Variants in COBLL1 observed in about 807,000 individuals in gnomAD.
The protein encoded by COBLL1 is cordon-bleu protein-like 1.
COBLL1 carries 50 observed loss-of-function variants against 94.8 expected under a neutral mutation model. The ratio of observed to expected loss-of-function variants is 0.53; its 90% CI spans 0.42 to 0.67. The LOEUF is 0.67. Among genes scored for constraint, COBLL1 ranks in the 30% least tolerant of loss-of-function variants. The pLI is 0.00. For synonymous variants in COBLL1, 448 were observed against 473.8 expected (o/e 0.95, Z 0.71); for missense variants, 1,362 against 1,348.7 (o/e 1.01, Z -0.15).
intron 2 of COBLL1, among the ~76,000 whole-genome samples, chr2:164,780,360 G>T (rs1423943081): frequency 6.6e-6 from 1 of 152,166 alleles, no homozygotes; most frequent in African/African-American, 2.4e-5. Flanking sequence ...TTCTGGGAAT[G>T]AAAGGAATTC....
At chr2:164,738,852 T>G (rs902047510) in intron 3 of COBLL1, among the ~76,000 whole-genome samples, 4 of 152,202 alleles carry the variant, frequency 2.6e-5, no homozygotes, top group African/African-American at 9.7e-5. Context: ...TTTTGGAATT[T>G]GAAGCATTTG....
chr2:164,804,883 C>A (rs1423193574), intron 2 of COBLL1, among the ~76,000 whole-genome samples: 1 of 152,164 alleles, frequency 6.6e-6, no homozygotes. Flanking sequence ...CTCTCTGACC[C>A]ACAAACTGAG....
intron 2 of COBLL1, among the ~76,000 whole-genome samples, chr2:164,762,738 C>T (rs1482462262): frequency 6.7e-6 from 1 of 149,694 alleles, no homozygotes; most frequent in Admixed American, 6.7e-5. Flanking sequence ...GCTCTGTCAC[C>T]CAGGCTGGAG....
rs190569465 is a variant in COBLL1, at chr2:164,659,939, G to C, written n.181+5908C>G. Among the ~76,000 whole-genome samples the C allele has an allele frequency of 3.4e-3, 523 of 152,236 alleles. 1 individual carries two copies. Among genetic ancestry groups the C allele is most frequent in the Middle Eastern group, 0.01 (3 of 294 alleles). ...TGAGCTAATGTTCAAGGGATTTGTGGGTATTGCATACTCCATGAAAACTCA... is the reference window on the plus strand; with the variant it reads ...TGAGCTAATGTTCAAGGGATTTGTGCGTATTGCATACTCCATGAAAACTCA... On this transcript the variant is annotated intron_variant and non_coding_transcript_variant, in intron 2 of 2. Transcript: ENST00000495084.
Position 164,700,563 on chromosome 2 carries a change from GT to G in COBLL1, c.1418del (p.Asn473ThrfsTer20). The stretch of plus-strand genomic sequence containing the variant: ...TAGTTTCTTGTTTTTCTTCCATGGA[GT>G]TTTGTGAGAACTCTCCACTACCATT... The part of the protein sequence containing the change: ...LGNGSGEFSQ[N>X]SMEEKQETKS... On this transcript the variant is annotated frameshift_variant, in exon 10 of 14. Coordinates refer to ENST00000652658, the MANE Select transcript of COBLL1 (RefSeq NM_001365672.2). LOFTEE classifies it high-confidence loss of function. The G allele has an allele frequency of 6.2e-7, 1 of 1,613,754 alleles. No homozygotes were observed. Among genetic ancestry groups the G allele is most frequent in the Non-Finnish European group, 8.5e-7 (1 of 1,179,790 alleles).
At position 164,722,498 on chromosome 2, in the gene COBLL1, A is replaced by G; in HGVS notation, c.686T>C (p.Leu229Pro). The change falls in exon 6 of 14, where the codon CTA (leucine) becomes CCA (proline). Residue 229 changes from leucine (L) to proline (P), a missense_variant. Physicochemically the swap from Leu to Pro is moderately conservative, Grantham distance 98 (BLOSUM62 -3). Coordinates refer to ENST00000652658, the MANE Select transcript of COBLL1 (RefSeq NM_001365672.2). ...ATTTTCTTTCTCCTTCATAATATCT[A>G]GGTTTTGTGATATTTGGCAGGACTC... Reference protein sequence around the residue: ...NRESCQISQNLDIMKEKENKG... With the variant: ...NRESCQISQNPDIMKEKENKG... 6.6e-7 allele frequency: 1 copy of G among 1,512,802 alleles called. No homozygotes were observed. The highest frequency in any genetic ancestry group is 8.8e-7 in the Non-Finnish European group (1 of 1,131,272). The allele number at this position is 1,512,802 out of a possible 1,614,324, so 93.7% of individuals were successfully genotyped here.
intron 12 of COBLL1, among the ~76,000 whole-genome samples, chr2:164,693,101 C>T (rs1683704482): frequency 6.6e-6 from 1 of 152,016 alleles, no homozygotes; most frequent in Admixed American, 6.6e-5. Flanking sequence ...TTTCAAACTG[C>T]CAAATACGTA....
chr2:164,748,668 T>C (rs1231946779), intron 2 of COBLL1, among the ~76,000 whole-genome samples: 1 of 152,200 alleles, frequency 6.6e-6, no homozygotes. Context: ...CTTGTTTGAC[T>C]ATCAGTCTAC....
chr2:164,752,032 T>C (rs1687151324), intron 2 of COBLL1, among the ~76,000 whole-genome samples: 1 of 152,110 alleles, frequency 6.6e-6, no homozygotes. Flanking sequence ...TGGTATAATG[T>C]ACCAAGCAAA....
chr2:164,704,506 A>G lies in COBLL1; in HGVS notation c.1163T>C (p.Val388Ala). 6.2e-7 allele frequency: 1 copy of G among 1,613,102 alleles called. No homozygotes were observed. The highest frequency in any genetic ancestry group is 8.5e-7 in the Non-Finnish European group (1 of 1,179,048). Residue 388 changes from valine (V) to alanine (A), a missense_variant, in exon 9 of 14, where the codon GTA becomes GCA. Coordinates refer to ENST00000652658, the MANE Select transcript of COBLL1 (RefSeq NM_001365672.2). ...AGCACTGTCTGGAGGAACTCCATCT[A>G]CTGGCTGTAAGGCTAAAGGAAAGAA... is the stretch of plus-strand genomic sequence containing the variant. The part of the protein sequence containing the change: ...ENSRVTALQP[V>A]DGVPPDSASE...
intron 2 of COBLL1, chr2:164,837,601 A>G: frequency 2.5e-6 from 1 of 400,482 alleles, no homozygotes; most frequent in Non-Finnish European, 5.0e-6. Flanking sequence ...AAGTTAAACC[A>G]GTCAACTTTC....
rs957085539 is a variant in COBLL1 at position 164,811,905 on chromosome 2, T to C, written c.41+29251A>G. 2.6e-5 allele frequency among the ~76,000 whole-genome samples: 4 copies of C among 151,962 alleles called. No homozygotes were observed. In the East Asian group the frequency reaches 5.8e-4, roughly 22 times the overall value. On this transcript the variant is annotated intron_variant, in intron 2 of 13. Coordinates refer to ENST00000652658, the MANE Select transcript of COBLL1 (RefSeq NM_001365672.2). ...TTCATAATCCTCTGTGGTAGCATTT[T>C]TGCTGAGGTTCAACAGTTCACATAG...
chr2:164,815,606 T>C (rs1364563492), intron 2 of COBLL1, among the ~76,000 whole-genome samples: 1 of 152,166 alleles, frequency 6.6e-6, no homozygotes, highest in African/African-American at 2.4e-5. Context: ...CCCTATGTGG[T>C]TGTTGCAGGA....
intron 2 of COBLL1, among the ~76,000 whole-genome samples, chr2:164,664,997 A>T (rs569291529): frequency 1.6e-4 from 24 of 152,276 alleles, no homozygotes; most frequent in African/African-American, 5.3e-4. Flanking sequence ...ACAAATAGAA[A>T]TGAAAGGTTA....
chr2:164,821,154 TG>T (rs1157138555), intron 2 of COBLL1, among the ~76,000 whole-genome samples: 3 of 152,184 alleles, frequency 2.0e-5, no homozygotes, highest in Non-Finnish European at 2.9e-5. Context: ...CCCAAAGTGC[TG>T]GGATTACAGG....
rs759783002 is a variant in COBLL1 at position 164,692,448 on chromosome 2, C to T, written c.3124-51G>A. On this transcript the variant is annotated intron_variant, in intron 12 of 13. Transcript: ENST00000652658. Reference sequence around the variant, plus strand: ...ATATGAATGCCAAGAAAAGAATGGGCCATTTTTTGCAAAACATTTTCATCA... The same window carrying T: ...ATATGAATGCCAAGAAAAGAATGGGTCATTTTTTGCAAAACATTTTCATCA... 4.3e-5 allele frequency: 62 copies of T among 1,446,630 alleles called. No individual in the cohort carries two copies. The South Asian group carries it at 7.1e-4, about 16-fold the overall frequency. 89.6% of individuals were successfully genotyped at this position (1,446,630 alleles called of 1,614,324 possible).
chr2:164,687,902 C>T, intron 13 of COBLL1: 1 of 235,588 alleles, frequency 4.2e-6, no homozygotes, highest in Non-Finnish European at 8.5e-6. Context: ...TTGTTTTAGG[C>T]ATTTAGAAAA....
chr2:164,763,683 T>C (rs569574901), intron 2 of COBLL1, among the ~76,000 whole-genome samples: 1 of 152,330 alleles, frequency 6.6e-6, no homozygotes, highest in South Asian at 2.1e-4. Flanking sequence ...GACTGGAATA[T>C]ATTATCAAAT....
At position 164,841,257 on chromosome 2, in the gene COBLL1, A is replaced by G. The variant is rs1683594782; in HGVS notation, c.-50-11T>C. On this transcript the variant is annotated splice_polypyrimidine_tract_variant and intron_variant, in intron 1 of 13. Coordinates refer to ENST00000652658, the MANE Select transcript of COBLL1 (RefSeq NM_001365672.2). The surrounding 1 kb of genome is among the most constrained non-coding windows in gnomAD (Gnocchi z 5.5). The stretch of plus-strand genomic sequence containing the variant: ...GGCGGCGCGTCACTGCTGGGGTGGG[A>G]GAGGCCGGCGGGTCAGGGCGGGACG... The G allele has an allele frequency of 6.5e-6, 8 of 1,224,566 alleles. No homozygotes were observed. The highest frequency in any genetic ancestry group is 7.1e-6 in the Non-Finnish European group (7 of 983,560). 75.9% of individuals were successfully genotyped at this position (1,224,566 alleles called of 1,614,324 possible). A position where few individuals can be genotyped will look rare whatever the true frequency, so the allele number is the denominator to read the frequency against.
Sources: gnomAD v4.1 joint callset for allele counts (sites outside exome capture counted in the v4.1 genomes callset) on GRCh38, gnomAD v4.1.1 for gene constraint, Gnocchi (gnomAD v3.1) non-coding constraint, MANE v1.5 for transcripts, NCBI Gene and HGNC (gene_info 2026-07-23, HGNC 2026-07-21) for gene names.